Variants in AFG2A observed in about 807,000 individuals in gnomAD.
AFG2A encodes the protein AAA ATPase AFG2A.
chr4:123,188,384 T>C, the AFG2A span, among the ~76,000 whole-genome samples: 195 of 152,306 alleles, frequency 1.3e-3, 1 homozygote, highest in African/African-American at 4.5e-3. Context: ...TTAAAAGTAG[T>C]ATATCTTCCA....
chr4:122,956,174 C>A, the AFG2A span, among the ~76,000 whole-genome samples: 6,258 of 152,214 alleles, frequency 0.041, 420 homozygotes, highest in African/African-American at 0.14. Flanking sequence ...ATAAACTACT[C>A]ATAAAAATGT....
chr4:123,207,332 C>A, the AFG2A span, among the ~76,000 whole-genome samples: 6 of 121,226 alleles, frequency 4.9e-5, no homozygotes, highest in African/African-American at 1.3e-4. Flanking sequence ...GCTCTGTCGT[C>A]TGGGGTGGAG....
chr4:122,972,272 A>G, the AFG2A span, among the ~76,000 whole-genome samples: 2 of 152,016 alleles, frequency 1.3e-5, no homozygotes, highest in African/African-American at 2.4e-5. Context: ...CATTTTATCT[A>G]CATTTCAAAT....
chr4:123,116,897 T>C, the AFG2A span, among the ~76,000 whole-genome samples: 5 of 152,184 alleles, frequency 3.3e-5, no homozygotes, highest in Non-Finnish European at 7.3e-5. Flanking sequence ...AACTTCTACT[T>C]TGTAGGTGTT....
the AFG2A span, among the ~76,000 whole-genome samples, chr4:122,939,071 C>CTCTCTTTTTTTTTTTTTTTTTTTTTTTTT: frequency 5.2e-5 from 4 of 76,210 alleles, 2 homozygotes; most frequent in Non-Finnish European, 4.9e-5. Flanking sequence ...GGGATATGTT[C>CTCTCTTTTTTTTTTTTTTTTTTTTTTTTT]TTTCTTTTTT....
chr4:123,040,277 A>G, the AFG2A span, among the ~76,000 whole-genome samples: 2 of 152,138 alleles, frequency 1.3e-5, no homozygotes, highest in Non-Finnish European at 2.9e-5. Context: ...CTTAGCAATT[A>G]TGTCATTGAC....
At chr4:122,924,532 T>G in the AFG2A span, among the ~76,000 whole-genome samples, 1 of 152,238 alleles carries the variant, frequency 6.6e-6, no homozygotes, top group African/African-American at 2.4e-5. Flanking sequence ...TTCTTCATCT[T>G]TGTTGATGTT....
At chr4:123,052,964 C>T in the AFG2A span, among the ~76,000 whole-genome samples, 28 of 152,242 alleles carry the variant, frequency 1.8e-4, 1 homozygote, top group South Asian at 5.4e-3. Context: ...GTTTGATATT[C>T]AAGGGCAGGA....
At chr4:122,983,027 C>T in the AFG2A span, among the ~76,000 whole-genome samples, 1 of 151,808 alleles carries the variant, frequency 6.6e-6, no homozygotes, top group Non-Finnish European at 1.5e-5. Flanking sequence ...GCCACAACGC[C>T]CAGCTAATTT....
the AFG2A span, among the ~76,000 whole-genome samples, chr4:123,045,037 T>G: frequency 6.6e-6 from 1 of 152,130 alleles, no homozygotes; most frequent in Non-Finnish European, 1.5e-5. Context: ...AACTGCATAG[T>G]GTTTTCCTGA....
At chr4:123,193,869 A>AT in the AFG2A span, among the ~76,000 whole-genome samples, 6 of 152,230 alleles carry the variant, frequency 3.9e-5, no homozygotes, top group African/African-American at 1.4e-4. Flanking sequence ...CATCTAAATC[A>AT]TTCTTGAAAA....
At chr4:122,937,817 A>C in the AFG2A span, among the ~76,000 whole-genome samples, 1 of 152,138 alleles carries the variant, frequency 6.6e-6, no homozygotes, top group Non-Finnish European at 1.5e-5. Context: ...TTCTGAATTG[A>C]TCCAGTCATA....
At chr4:123,187,317 A>C in the AFG2A span, among the ~76,000 whole-genome samples, 1 of 152,168 alleles carries the variant, frequency 6.6e-6, no homozygotes, top group Non-Finnish European at 1.5e-5. Context: ...GTTTGCATCA[A>C]CTTGAATCTT....
At chr4:123,104,402 C>T in the AFG2A span, among the ~76,000 whole-genome samples, 1 of 152,164 alleles carries the variant, frequency 6.6e-6, no homozygotes, top group East Asian at 1.9e-4. Context: ...GGCCTCCCTA[C>T]TCCCTGAGAC....
the AFG2A span, among the ~76,000 whole-genome samples, chr4:123,232,792 G>C: frequency 6.6e-6 from 1 of 152,012 alleles, no homozygotes; most frequent in Non-Finnish European, 1.5e-5. Context: ...AGGTGGGATT[G>C]GGAGAGATTG....
chr4:123,254,309 G>T, the AFG2A span, among the ~76,000 whole-genome samples: 3 of 145,944 alleles, frequency 2.1e-5, no homozygotes, highest in Admixed American at 6.7e-5. Flanking sequence ...TGTGAGGTAA[G>T]GGTCAATGTT....
the AFG2A span, among the ~76,000 whole-genome samples, chr4:122,989,879 A>T: frequency 4.9e-4 from 74 of 152,094 alleles, 1 homozygote; most frequent in Non-Finnish European, 9.9e-4. Context: ...ATTTTTTGAG[A>T]CGAAATCTCT....
the AFG2A span, chr4:123,056,496 G>T: frequency 1.4e-6 from 2 of 1,452,300 alleles, no homozygotes; most frequent in Non-Finnish European, 1.8e-6. Flanking sequence ...CTTCTGTCCT[G>T]TGCAGCTTCC....
At chr4:123,204,435 A>G in the AFG2A span, among the ~76,000 whole-genome samples, 1 of 152,104 alleles carries the variant, frequency 6.6e-6, no homozygotes, top group Non-Finnish European at 1.5e-5. Flanking sequence ...TGTGATTTTA[A>G]TTTGCATTTC....
Sources: gnomAD v4.1 joint callset for allele counts (sites outside exome capture counted in the v4.1 genomes callset) on GRCh38, gnomAD v4.1.1 for gene constraint, MANE v1.5 for transcripts, NCBI Gene and HGNC (gene_info 2026-07-23, HGNC 2026-07-21) for gene names.